Variants in ADCY2 observed in about 807,000 individuals in gnomAD.
ADCY2 encodes the protein adenylate cyclase type 2.
In ADCY2, 31 loss-of-function variants were observed where a neutral mutation model predicts 125.2. That is an observed-to-expected ratio of 0.25 (90% confidence interval 0.19 to 0.33). ADCY2 has a LOEUF of 0.33. Ranked by LOEUF, ADCY2 falls within the 10% of genes least tolerant of loss-of-function variation. The pLI is 1.00. For missense variants in ADCY2, 904 were observed against 1,418.2 expected, an observed-to-expected ratio of 0.64 and a Z score of 5.82; for synonymous variants, 512 against 548.4, an observed-to-expected ratio of 0.93 and a Z score of 0.93.
intron 23 of ADCY2, among the ~76,000 whole-genome samples, chr5:7,819,724 T>A (rs1745237073): frequency 6.6e-6 from 1 of 152,180 alleles, no homozygotes; most frequent in Non-Finnish European, 1.5e-5. Flanking sequence ...CAGAGGTAGT[T>A]CAGGGATAGC....
intron 2 of ADCY2, among the ~76,000 whole-genome samples, chr5:7,449,711 T>C (rs188582976): frequency 1.6e-4 from 24 of 152,340 alleles, no homozygotes; most frequent in African/African-American, 5.1e-4. Flanking sequence ...CTTTGTTCTA[T>C]TGCACTTCTC....
intron 3 of ADCY2, among the ~76,000 whole-genome samples, chr5:7,592,122 T>G (rs1431837769): frequency 6.6e-6 from 1 of 152,362 alleles, no homozygotes; most frequent in East Asian, 1.9e-4. Flanking sequence ...GGCTCTTTCT[T>G]CTTATTGCCT....
chr5:7,410,373 TACAG>T (rs1187263278), intron 1 of ADCY2, among the ~76,000 whole-genome samples: 2 of 151,048 alleles, frequency 1.3e-5, no homozygotes, highest in Non-Finnish European at 2.9e-5. Flanking sequence ...AGAAAGAAAA[TACAG>T]ACAAGCTGTT....
intron 12 of ADCY2, among the ~76,000 whole-genome samples, chr5:7,722,957 T>C (rs1252596126): frequency 1.8e-5 from 1 of 56,222 alleles, no homozygotes; most frequent in East Asian, 4.1e-4. Flanking sequence ...CGAAACTCCA[T>C]CTCAAAAAAA....
intron 4 of ADCY2, among the ~76,000 whole-genome samples, chr5:7,679,376 C>G (rs1240542943): frequency 4.6e-5 from 7 of 152,204 alleles, no homozygotes; most frequent in Admixed American, 2.0e-4. Context: ...TTGTAATATA[C>G]TGAAGGGCTT....
intron 5 of ADCY2, 54 bp from the exon 6 acceptor site, chr5:7,695,698 T>TA (rs1244216177): frequency 3.6e-6 from 4 of 1,118,332 alleles, no homozygotes; most frequent in Middle Eastern, 2.0e-4. Flanking sequence ...ATTACTTTCT[T>TA]AAAAAATGTA....
chr5:7,450,661 T>TTATAAAA (rs1741439788), intron 2 of ADCY2, among the ~76,000 whole-genome samples: 2 of 152,194 alleles, frequency 1.3e-5, no homozygotes. Context: ...TATAAGAAGA[T>TTATAAAA]GTCCTCTAGG....
At chr5:7,439,781 C>T (rs996283843) in intron 2 of ADCY2, among the ~76,000 whole-genome samples, 1 of 152,086 alleles carries the variant, frequency 6.6e-6, no homozygotes, top group Non-Finnish European at 1.5e-5. Flanking sequence ...CAGGGCACTT[C>T]ATGTCATGGA....
At position 7,774,849 on chromosome 5, in the gene ADCY2, A is replaced by T. The variant is rs556662148; in HGVS notation, c.2384+1748A>T. The stretch of plus-strand genomic sequence containing the variant: ...CCTGTCTCTCACTTCCTAATTTTTT[A>T]AAAAAATTTTGTGGATACATAATAG... On this transcript the variant is annotated intron_variant, in intron 18 of 24. Coordinates refer to ENST00000338316, the MANE Select transcript of ADCY2 (RefSeq NM_020546.3). 2.1e-3 allele frequency among the ~76,000 whole-genome samples: 313 copies of T among 152,226 alleles called. 3 individuals are homozygous for T. Among genetic ancestry groups the T allele is most frequent in the African/African-American group, 7.0e-3 (291 of 41,540 alleles).
At chr5:7,696,433 T>C (rs949809342) in intron 6 of ADCY2, among the ~76,000 whole-genome samples, 2 of 152,198 alleles carry the variant, frequency 1.3e-5, no homozygotes, top group Admixed American at 6.5e-5. Context: ...ATTTCACAGA[T>C]AGGAAATGAC....
chr5:7,547,197 T>C (rs1735173659), intron 3 of ADCY2, among the ~76,000 whole-genome samples: 1 of 152,196 alleles, frequency 6.6e-6, no homozygotes, highest in Admixed American at 6.5e-5. Flanking sequence ...GACTGCTGGC[T>C]TTCTTACTTG....
intron 18 of ADCY2, among the ~76,000 whole-genome samples, chr5:7,774,408 G>T (rs1454899652): frequency 6.6e-6 from 1 of 152,180 alleles, no homozygotes; most frequent in Non-Finnish European, 1.5e-5. Context: ...ACTATATCCA[G>T]AAAGCCTGTG....
chr5:7,451,901 T>C (rs1044084692), intron 2 of ADCY2, among the ~76,000 whole-genome samples: 2 of 152,036 alleles, frequency 1.3e-5, no homozygotes, highest in Non-Finnish European at 1.5e-5. Flanking sequence ...ATATGTAGGC[T>C]TTTTTGTTTT....
chr5:7,697,590 T>A (rs1740936178), intron 6 of ADCY2, among the ~76,000 whole-genome samples: 1 of 152,154 alleles, frequency 6.6e-6, no homozygotes, highest in African/African-American at 2.4e-5. Flanking sequence ...GATCAACAAG[T>A]ATGAATGCAG....
chr5:7,491,890 T>G (rs1248637855), intron 2 of ADCY2, among the ~76,000 whole-genome samples: 1 of 152,250 alleles, frequency 6.6e-6, no homozygotes. Context: ...TATATTCTGT[T>G]TCCATGTTCC....
intron 1 of ADCY2, among the ~76,000 whole-genome samples, chr5:7,403,937 TACACACACACACACAC>T (rs370540720): frequency 4.3e-5 from 6 of 140,450 alleles, no homozygotes; most frequent in Non-Finnish European, 6.3e-5. Flanking sequence ...CTTTCAATGC[TACACACACACACACAC>T]ACACACACAC....
At chr5:7,653,961 G>C (rs1227197894) in intron 4 of ADCY2, 7 of 413,368 alleles carry the variant, frequency 1.7e-5, no homozygotes, top group Non-Finnish European at 9.7e-6. Flanking sequence ...GAGGAGTTTG[G>C]TAGAAATCCC....
chr5:7,820,672 G>A lies in ADCY2; in HGVS notation c.3106G>A (p.Val1036Ile), dbSNP rs939197939. The A allele has an allele frequency of 3.7e-6, 6 of 1,613,764 alleles. No individual in the cohort carries two copies. Among genetic ancestry groups the A allele is most frequent in the Non-Finnish European group, 5.1e-6 (6 of 1,179,786 alleles). Residue 1036 changes from valine to isoleucine, a missense_variant, in exon 24 of 25, where the codon GTC (valine) becomes ATC (isoleucine). Physicochemically the swap from Val to Ile is conservative, Grantham distance 29 (BLOSUM62 3). Around this residue, in one of 7 missense-constraint regions of ADCY2, gnomAD observed 181 missense variants for 381.6 expected, o/e 0.47. Transcript: ENST00000338316. The stretch of plus-strand genomic sequence containing the variant: ...GGCCAGTAGGATGGACAGCACCGGA[G>A]TCCTGGACAAAATACAGGTAATGCA... ...NVASRMDSTG[V>I]LDKIQVTEET... is the part of the protein sequence containing the mutation.
rs188138447 is a variant in ADCY2, at chr5:7,440,273, A to G, written c.408+25503A>G. Among the ~76,000 whole-genome samples, 590 of 152,322 alleles carry G rather than the reference A, an allele frequency of 3.9e-3. 3 individuals are homozygous for G. The highest frequency in any genetic ancestry group is 0.014 in the African/African-American group (576 of 41,572). On this transcript the variant is annotated intron_variant, in intron 2 of 24. Transcript: ENST00000338316. ...AAATGAGCCCTCACTTAGAGATCGC[A>G]TTAAATTATATAGCAAAGGATGTTC...
Sources: gnomAD v4.1 joint callset for allele counts (sites outside exome capture counted in the v4.1 genomes callset) on GRCh38, gnomAD v4.1.1 for gene constraint, gnomAD v4.1.1 regional missense constraint, MANE v1.5 for transcripts, NCBI Gene and HGNC (gene_info 2026-07-23, HGNC 2026-07-21) for gene names.